Variants in ZNF264 observed in about 807,000 individuals in gnomAD.
ZNF264 encodes the protein zinc finger protein 264.
Under a neutral mutation model 11.2 loss-of-function variants are expected in ZNF264, and 11 were observed. The observed-to-expected ratio is 0.98, with a 90% confidence interval of 0.62 to 1.63. The LOEUF is 1.63. Ranked by LOEUF, ZNF264 falls within the 40% of genes most tolerant of loss-of-function variation. ZNF264 has a pLI of 0.00. For synonymous variants in ZNF264, 309 were observed against 279.8 expected (o/e 1.10, Z -1.04); for missense variants, 752 against 768.1 (o/e 0.98, Z 0.25).
chr19:57,197,186 G>A (rs2087218142), intron 2 of ZNF264, among the ~76,000 whole-genome samples: 1 of 151,844 alleles, frequency 6.6e-6, no homozygotes, highest in Non-Finnish European at 1.5e-5. Context: ...GTGGGCATTT[G>A]AGCCACTTCC....
At position 57,214,714 on chromosome 19, in the gene ZNF264, G is replaced by A. The variant is rs1302032965; in HGVS notation, c.*1733G>A. On this transcript the variant is annotated 3_prime_UTR_variant, in exon 4 of 4. Coordinates refer to ENST00000263095, the MANE Select transcript of ZNF264 (RefSeq NM_003417.5). ...TATAAAACATATGTCCTCTATAAGGGTAAAAAATTTCCTCTGTTCCCAGTT... is the reference window on the plus strand; with the variant it reads ...TATAAAACATATGTCCTCTATAAGGATAAAAAATTTCCTCTGTTCCCAGTT... 6.6e-6 allele frequency: 1 copy of A among 152,156 alleles called. No homozygotes were observed. Among genetic ancestry groups the A allele is most frequent in the Non-Finnish European group, 1.5e-5 (1 of 68,036 alleles). 9.4% of individuals were successfully genotyped at this position (152,156 alleles called of 1,614,324 possible).
intron 3 of ZNF264, among the ~76,000 whole-genome samples, chr19:57,208,389 A>G (rs1197936707): frequency 6.6e-6 from 1 of 151,848 alleles, no homozygotes; most frequent in Admixed American, 6.6e-5. Flanking sequence ...TGCAAAATTA[A>G]AAAAATTAGC....
chr19:57,212,474 G>A lies in ZNF264; in HGVS notation c.1377G>A (p.Glu459=), dbSNP rs1351221874. ...HTGEKPFECK[E]CGKAFSNRKD... is the part of the protein sequence containing the mutation. ...GAGAAAAGCCTTTCGAGTGCAAAGAGTGTGGGAAAGCCTTTAGCAATCGGA... is the reference window on the plus strand; with the variant it reads ...GAGAAAAGCCTTTCGAGTGCAAAGAATGTGGGAAAGCCTTTAGCAATCGGA... Residue 459 remains glutamate (E), a synonymous_variant, in exon 4 of 4, where the codon GAG becomes GAA. Coordinates refer to ENST00000263095, the MANE Select transcript of ZNF264 (RefSeq NM_003417.5). 5.0e-6 allele frequency: 8 copies of A among 1,613,728 alleles called. No individual in the cohort carries two copies. Among genetic ancestry groups the A allele is most frequent in the Admixed American group, 3.3e-5 (2 of 59,958 alleles).
At chr19:57,204,846 C>T (rs939617696) in intron 2 of ZNF264, among the ~76,000 whole-genome samples, 2 of 152,160 alleles carry the variant, frequency 1.3e-5, no homozygotes, top group African/African-American at 4.8e-5. Context: ...CGTTGTGGAG[C>T]TTTGTGGTTA....
rs1160095045 is a variant in ZNF264, at chr19:57,210,419, T to C, written c.257-935T>C. Among the ~76,000 whole-genome samples, 7 of 152,342 alleles carry C rather than the reference T, an allele frequency of 4.6e-5. No homozygotes were observed. The South Asian group carries it at 1.4e-3, about 32-fold the overall frequency. On this transcript the variant is annotated intron_variant, in intron 3 of 3. Transcript: ENST00000263095. ...CTCACAAAATTCTCTAAAACCTGTT[T>C]TAGTTACAGTCATGTTTATTACAGA...
At chr19:57,193,008 T>A (rs112098951) in intron 1 of ZNF264, among the ~76,000 whole-genome samples, 2 of 152,154 alleles carry the variant, frequency 1.3e-5, no homozygotes, top group East Asian at 3.9e-4. Flanking sequence ...TGGGATTACA[T>A]GCATGAGCCA....
intron 3 of ZNF264, among the ~76,000 whole-genome samples, 177 bp from the exon 4 acceptor site, chr19:57,211,177 A>C (rs1422894282): frequency 6.6e-6 from 1 of 152,216 alleles, no homozygotes; most frequent in South Asian, 2.1e-4. Context: ...CCCATGCAGA[A>C]TATCCCGAGT....
Position 57,218,175 on chromosome 19 carries a change from T to C in ZNF264, c.*5194T>C, listed in dbSNP as rs895861825. Reference sequence around the variant, plus strand: ...CTTCTAGAGTAACAAATGTTCTTTGTTTTCCTTCCTCTAAAGATGTCTTTA... The same window carrying C: ...CTTCTAGAGTAACAAATGTTCTTTGCTTTCCTTCCTCTAAAGATGTCTTTA... On this transcript the variant is annotated 3_prime_UTR_variant, in exon 4 of 4. Coordinates refer to ENST00000263095, the MANE Select transcript of ZNF264 (RefSeq NM_003417.5). 6.6e-6 allele frequency: 1 copy of C among 152,194 alleles called. No homozygotes were observed. The highest frequency in any genetic ancestry group is 2.4e-5 in the African/African-American group (1 of 41,446). The allele number at this position is 152,194 out of a possible 1,614,324, so 9.4% of individuals were successfully genotyped here.
Position 57,202,749 on chromosome 19 carries a change from T to C in ZNF264, c.161-2648T>C, listed in dbSNP as rs763314711. ...GTATCCTTTGCAATATTCTTTATAA[T>C]ACACTGGTAAACATGAGTGTTTCCT... On this transcript the variant is annotated intron_variant, in intron 2 of 3. Transcript: ENST00000263095. Among the ~76,000 whole-genome samples the C allele has an allele frequency of 1.1e-4, 16 of 151,880 alleles. 1 individual carries two copies. The highest frequency in any genetic ancestry group is 1.9e-4 in the Non-Finnish European group (13 of 68,040).
At chr19:57,199,922 A>G (rs1382317125) in intron 2 of ZNF264, among the ~76,000 whole-genome samples, 1 of 151,610 alleles carries the variant, frequency 6.6e-6, no homozygotes, top group Admixed American at 6.6e-5. Context: ...TGATGGCAGC[A>G]TGGGTCGGGG....
In ZNF264 at chr19:57,212,972, T is replaced by G. The variant is rs1171934934; in HGVS notation, c.1875T>G (p.Ser625=). 1.2e-6 allele frequency: 2 copies of G among 1,603,490 alleles called. No homozygotes were observed. Among genetic ancestry groups the G allele is most frequent in the African/African-American group, 2.7e-5 (2 of 74,338 alleles). ...QPYQRETPQV[S]SL is the part of the protein sequence containing the mutation. ...ACCAAAGAGAAACCCCACAAGTGTC[T>G]TCACTGTGAGAAAACCTTCTGTTGC... The change falls in exon 4 of 4, where the codon TCT becomes TCG. Residue 625 remains serine, a synonymous_variant. Coordinates refer to ENST00000263095, the MANE Select transcript of ZNF264 (RefSeq NM_003417.5).
intron 2 of ZNF264, chr19:57,194,879 AT>A: frequency 2.5e-6 from 1 of 400,098 alleles, no homozygotes; most frequent in Non-Finnish European, 4.4e-6. Context: ...TTCTCTTTAA[AT>A]TTAACGACTG....
chr19:57,199,449 A>G (rs1184406127), intron 2 of ZNF264, among the ~76,000 whole-genome samples: 1 of 151,904 alleles, frequency 6.6e-6, no homozygotes, highest in African/African-American at 2.4e-5. Context: ...AAGGGAGATC[A>G]AGCATTCCCA....
intron 2 of ZNF264, among the ~76,000 whole-genome samples, chr19:57,204,914 A>C (rs941077365): frequency 2.6e-5 from 4 of 152,140 alleles, no homozygotes; most frequent in Admixed American, 6.5e-5. Flanking sequence ...GCCATTCACC[A>C]GTTCTGTGCT....
intron 1 of ZNF264, chr19:57,192,618 C>T: frequency 2.1e-6 from 2 of 972,024 alleles, no homozygotes; most frequent in Non-Finnish European, 2.4e-6. Context: ...CAGGGAGATC[C>T]CAGAGGGCAT....
At position 57,212,435 on chromosome 19, in the gene ZNF264, A is replaced by G. The variant is rs776870465; in HGVS notation, c.1338A>G (p.Lys446=). 23 of 1,613,496 alleles carry G rather than the reference A, an allele frequency of 1.4e-5. No individual in the cohort carries two copies. Among genetic ancestry groups the G allele is most frequent in the Non-Finnish European group, 1.9e-5 (23 of 1,179,938 alleles). Residue 446 remains lysine (K), a synonymous_variant, in exon 4 of 4, where the codon AAA becomes AAG. Coordinates refer to ENST00000263095, the MANE Select transcript of ZNF264 (RefSeq NM_003417.5). ...FTHCSTFILH[K]RAHTGEKPFE... ...ACTGCTCTACTTTTATCTTGCATAA[A>G]AGGGCCCACACTGGAGAAAAGCCTT...
At position 57,212,642 on chromosome 19, in the gene ZNF264, G is replaced by A. The variant is rs1006792912; in HGVS notation, c.1545G>A (p.Glu515=). 7 of 1,613,902 alleles carry A rather than the reference G, an allele frequency of 4.3e-6. No individual in the cohort carries two copies. In the African/African-American group the frequency reaches 8.0e-5, roughly 18 times the overall value. The change falls in exon 4 of 4, where the codon GAG becomes GAA. Residue 515 remains glutamate (E), a synonymous_variant. Transcript: ENST00000263095. ...GAGAGAAGCCCTATGAATGTGTTGA[G>A]TGTGGGAAATCGTTTTGCTGGAGCA... ...HSGEKPYECV[E]CGKSFCWSTN...
chr19:57,209,611 T>C (rs550513708), intron 3 of ZNF264, among the ~76,000 whole-genome samples: 2 of 152,280 alleles, frequency 1.3e-5, no homozygotes, highest in African/African-American at 4.8e-5. Context: ...AAGGTCTTGC[T>C]CTGTTGCCCA....
chr19:57,206,334 C>G (rs900675790), intron 3 of ZNF264, among the ~76,000 whole-genome samples: 3 of 152,154 alleles, frequency 2.0e-5, no homozygotes, highest in Non-Finnish European at 4.4e-5. Context: ...AGCTCCGCCT[C>G]CCGGGTTCAC....
Sources: allele counts gnomAD v4.1 joint callset (sites outside exome capture counted in the v4.1 genomes callset), GRCh38; gene constraint gnomAD v4.1.1; transcripts MANE v1.5; gene names NCBI Gene and HGNC (gene_info 2026-07-23, HGNC 2026-07-21).